TYW1: variants seen among roughly 807,000 people sequenced by gnomAD.
TYW1 encodes the protein tRNA-yW synthesizing protein 1 homolog, also known as S-adenosyl-L-methionine-dependent tRNA 4-demethylwyosine synthase TYW1.
In TYW1, 46 loss-of-function variants were observed where a neutral mutation model predicts 96.2. The observed-to-expected ratio is 0.48, with a 90% CI of 0.38 to 0.61. The LOEUF (loss-of-function observed/expected upper bound fraction) is 0.61. Ranked by LOEUF, TYW1 falls within the 20% of genes least tolerant of loss-of-function variation. The pLI, the probability that TYW1 is intolerant of heterozygous loss-of-function variation, is 0.00. For synonymous variants in TYW1, 274 were observed against 323.0 expected, an observed-to-expected ratio of 0.85 and a Z score of 1.63; for missense variants, 684 against 909.6, an observed-to-expected ratio of 0.75 and a Z score of 3.19.
chr7:67,173,302 A>G, intron 13 of TYW1, among the ~76,000 whole-genome samples: 1 of 152,152 alleles, frequency 6.6e-6, no homozygotes, highest in African/African-American at 2.4e-5. Context: ...TATTTGTGGA[A>G]GAAGGTGGGT....
chr7:67,087,187 G>C (rs1025082250), intron 11 of TYW1, among the ~76,000 whole-genome samples: 3 of 152,178 alleles, frequency 2.0e-5, no homozygotes, highest in African/African-American at 7.2e-5. Context: ...CCATGAGGTA[G>C]ACTTTGTTGA....
chr7:67,144,693 G>A (rs1031026800), intron 13 of TYW1, among the ~76,000 whole-genome samples: 7 of 152,100 alleles, frequency 4.6e-5, no homozygotes, highest in African/African-American at 7.2e-5. Flanking sequence ...CTCCTCTAGA[G>A]CTCTGAGCTG....
chr7:67,045,071 A>G lies in TYW1; in HGVS notation c.985-4878A>G, dbSNP rs139776607. ...TAAAACTCATGTTTGTCAGTTTCCAACTATATAGCATTTTACCTTAAAGTC... is the reference window on the plus strand; with the variant it reads ...TAAAACTCATGTTTGTCAGTTTCCAGCTATATAGCATTTTACCTTAAAGTC... On this transcript the variant is annotated intron_variant, in intron 7 of 15. Coordinates refer to ENST00000359626, the MANE Select transcript of TYW1 (RefSeq NM_018264.4). 3.9e-3 allele frequency among the ~76,000 whole-genome samples: 596 copies of G among 152,292 alleles called. 3 individuals are homozygous for G. The highest frequency in any genetic ancestry group is 0.013 in the African/African-American group (550 of 41,568).
At chr7:67,063,586 G>C (rs1474429082) in intron 9 of TYW1, among the ~76,000 whole-genome samples, 1 of 151,106 alleles carries the variant, frequency 6.6e-6, no homozygotes, top group Non-Finnish European at 1.5e-5. Flanking sequence ...CAATATCAAA[G>C]CACAAAAATC....
At chr7:67,002,458 T>C (rs1245511107) in intron 3 of TYW1, among the ~76,000 whole-genome samples, 1 of 152,146 alleles carries the variant, frequency 6.6e-6, no homozygotes, top group Admixed American at 6.6e-5. Context: ...TATTAAAAAC[T>C]TTTGCCTCAG....
chr7:67,163,911 C>T (rs932793441), intron 13 of TYW1, among the ~76,000 whole-genome samples: 29 of 152,182 alleles, frequency 1.9e-4, no homozygotes, highest in African/African-American at 4.6e-4. Context: ...TCAGATGATC[C>T]GCCCACCTTG....
chr7:67,238,207 A>G, intron 15 of TYW1, 101 bp from the exon 16 acceptor site: 10 of 1,525,160 alleles, frequency 6.6e-6, no homozygotes, highest in Non-Finnish European at 7.9e-6. Flanking sequence ...TCTTGACGTG[A>G]TAGGGAGAAA....
chr7:67,045,416 C>T (rs1795158041), intron 7 of TYW1, among the ~76,000 whole-genome samples: 1 of 151,914 alleles, frequency 6.6e-6, no homozygotes, highest in Non-Finnish European at 1.5e-5. Context: ...TGAGATCTCA[C>T]TATGTTGCCC....
chr7:67,038,470 G>T (rs1794906172), intron 7 of TYW1, among the ~76,000 whole-genome samples: 1 of 152,068 alleles, frequency 6.6e-6, no homozygotes, highest in Admixed American at 6.6e-5. Flanking sequence ...GCTGGGCATG[G>T]TGGCTGGTAC....
chr7:67,119,210 C>T lies in TYW1; in HGVS notation c.1698+1592C>T, dbSNP rs1797690471. 2.0e-5 allele frequency among the ~76,000 whole-genome samples: 3 copies of T among 151,908 alleles called. No homozygotes were observed. The South Asian group carries it at 6.2e-4, about 32-fold the overall frequency. On this transcript the variant is annotated intron_variant, in intron 13 of 15. Transcript: ENST00000359626. Reference sequence around the variant, plus strand: ...ACATTTGACTGATAATGACAATCACCCCAGGAGCTTAAAAAAATGACAGTT... The same window carrying T: ...ACATTTGACTGATAATGACAATCACTCCAGGAGCTTAAAAAAATGACAGTT...
chr7:67,209,055 C>T (rs1166293953), intron 15 of TYW1, among the ~76,000 whole-genome samples: 1 of 152,166 alleles, frequency 6.6e-6, no homozygotes, highest in Non-Finnish European at 1.5e-5. Context: ...AGGCAGGCTA[C>T]TTAGTGGCTA....
At chr7:67,023,564 C>G (rs1199342663) in intron 6 of TYW1, among the ~76,000 whole-genome samples, 2 of 151,946 alleles carry the variant, frequency 1.3e-5, no homozygotes, top group Admixed American at 6.6e-5. Context: ...GGTCAAGAGT[C>G]TGAGACCAGC....
At chr7:67,064,331 C>A (rs964297745) in intron 9 of TYW1, among the ~76,000 whole-genome samples, 2 of 152,136 alleles carry the variant, frequency 1.3e-5, no homozygotes, top group African/African-American at 4.8e-5. Context: ...TGGTGTGGTA[C>A]TACTGGTAGA....
At chr7:67,219,203 T>C (rs1423334139) in intron 15 of TYW1, among the ~76,000 whole-genome samples, 1 of 152,234 alleles carries the variant, frequency 6.6e-6, no homozygotes, top group Non-Finnish European at 1.5e-5. Context: ...TAATGTGGTA[T>C]ATTACATGGA....
chr7:67,133,137 T>G (rs1798136367), intron 13 of TYW1, among the ~76,000 whole-genome samples: 1 of 152,172 alleles, frequency 6.6e-6, no homozygotes, highest in Non-Finnish European at 1.5e-5. Flanking sequence ...TAGTTGTTGA[T>G]TCTATTTTAT....
chr7:67,154,685 G>A (rs1190381875), intron 13 of TYW1, among the ~76,000 whole-genome samples: 2 of 151,964 alleles, frequency 1.3e-5, no homozygotes, highest in Non-Finnish European at 2.9e-5. Flanking sequence ...TATATGTGGG[G>A]ATCTTTGAGC....
At chr7:67,201,354 T>G (rs953842805) in intron 15 of TYW1, among the ~76,000 whole-genome samples, 1 of 136,578 alleles carries the variant, frequency 7.3e-6, no homozygotes, top group Admixed American at 7.6e-5. Flanking sequence ...AAACCTGTTA[T>G]AACCCTCAGG....
At chr7:67,218,367 T>G (rs533350733) in intron 15 of TYW1, among the ~76,000 whole-genome samples, 1 of 151,804 alleles carries the variant, frequency 6.6e-6, no homozygotes, top group South Asian at 2.1e-4. Context: ...TTATTTTTTT[T>G]TTTTGAGATG....
At chr7:67,061,871 A>C (rs940004155) in intron 9 of TYW1, among the ~76,000 whole-genome samples, 1 of 152,210 alleles carries the variant, frequency 6.6e-6, no homozygotes, top group Non-Finnish European at 1.5e-5. Context: ...TCTGTAAGAC[A>C]AAATATTTTA....
Sources: gnomAD v4.1 joint callset for allele counts (sites outside exome capture counted in the v4.1 genomes callset) on GRCh38, gnomAD v4.1.1 for gene constraint, MANE v1.5 for transcripts, NCBI Gene and HGNC (gene_info 2026-07-23, HGNC 2026-07-21) for gene names.